TADA2A: variants seen among roughly 807,000 people sequenced by gnomAD.
TADA2A encodes transcriptional adaptor 2A.
A neutral mutation model predicts 67.4 loss-of-function variants in TADA2A; 38 were observed. That is an observed-to-expected ratio of 0.56 (90% CI 0.44 to 0.74). TADA2A has a LOEUF of 0.74. Ranked by LOEUF, TADA2A falls within the 30% of genes least tolerant of loss-of-function variation. The pLI, the probability that TADA2A is intolerant of heterozygous loss-of-function variation, is 0.00. For missense variants in TADA2A, 454 were observed against 547.0 expected (o/e 0.83, Z 1.70); for synonymous variants, 192 against 181.6 (o/e 1.06, Z -0.46).
chr17:37,410,587 T>C (rs1191810555), intron 1 of TADA2A, among the ~76,000 whole-genome samples: 3 of 152,182 alleles, frequency 2.0e-5, no homozygotes, highest in African/African-American at 7.2e-5. Flanking sequence ...GTTGAGTTTA[T>C]TAAAGTTTAT....
intron 9 of TADA2A, among the ~76,000 whole-genome samples, chr17:37,459,532 C>T (rs113102537): frequency 2.0e-5 from 3 of 151,588 alleles, no homozygotes; most frequent in African/African-American, 4.8e-5. Flanking sequence ...ATCCATCCCC[C>T]TCTGCCTCCC....
rs1405764961 is a variant in TADA2A, at chr17:37,423,547, T to A, written c.64T>A (p.Ser22Thr). ...SDKPPCRGCSSYLMEPYIKCA... is the reference protein window; with the variant it reads ...SDKPPCRGCSTYLMEPYIKCA... ...TAAGCCACCTTGCCGAGGCTGCTCC[T>A]CCTACCTCATGGAGCCTTATATCAA... is the stretch of plus-strand genomic sequence containing the variant. Residue 22 changes from serine (S) to threonine (T), a missense_variant, in exon 3 of 16, where the codon TCC becomes ACC. Coordinates refer to ENST00000615182, the MANE Select transcript of TADA2A (RefSeq NM_001166105.3). 1 of 1,613,058 alleles carries A rather than the reference T, an allele frequency of 6.2e-7. No individual in the cohort carries two copies. Among genetic ancestry groups the A allele is most frequent in the Non-Finnish European group, 8.5e-7 (1 of 1,179,880 alleles).
Position 37,458,637 on chromosome 17 carries a change from T to TTGTG in TADA2A, c.668+84_668+87dup, listed in dbSNP as rs55935249. 4,632 of 980,390 alleles carry TTGTG rather than the reference T, an allele frequency of 4.7e-3. 11 individuals carry two copies. The highest frequency in any genetic ancestry group is 5.6e-3 in the Admixed American group (269 of 47,670). The allele number at this position is 980,390 out of a possible 1,614,324, so 60.7% of individuals were successfully genotyped here. A position where few individuals can be genotyped will look rare whatever the true frequency, so the allele number is the denominator to read the frequency against. The stretch of plus-strand genomic sequence containing the variant: ...CTCCTTTCAGCTTTGGATTATTGTT[T>TTGTG]TGTGTGTGTGTGTGTGTGTGTGTGT... On this transcript the variant is annotated intron_variant, in intron 9 of 15. Transcript: ENST00000615182.
chr17:37,440,365 T>TG, intron 5 of TADA2A, 140 bp from the exon 6 acceptor site: 1 of 969,336 alleles, frequency 1.0e-6, no homozygotes, highest in South Asian at 1.8e-5. Context: ...ATTTTTCTGC[T>TG]GATATCTTTT....
chr17:37,472,787 G>A (rs1314896484), intron 14 of TADA2A, among the ~76,000 whole-genome samples: 2 of 152,048 alleles, frequency 1.3e-5, no homozygotes, highest in Non-Finnish European at 1.5e-5. Context: ...GCTTGAATCC[G>A]GGAGGCAGAG....
intron 6 of TADA2A, 105 bp downstream of exon 6, chr17:37,440,767 C>T (rs541460281): frequency 2.8e-5 from 38 of 1,374,932 alleles, no homozygotes; most frequent in Non-Finnish European, 3.3e-5. Context: ...AATGATATCA[C>T]GGAAGATAGG....
At chr17:37,455,555 A>G (rs542808849) in intron 8 of TADA2A, among the ~76,000 whole-genome samples, 2 of 151,614 alleles carry the variant, frequency 1.3e-5, no homozygotes, top group South Asian at 2.1e-4. Flanking sequence ...CTAATTTTTT[A>G]TATTTTTAGT....
chr17:37,463,723 C>T (rs1052492323), intron 10 of TADA2A, among the ~76,000 whole-genome samples: 11 of 151,764 alleles, frequency 7.2e-5, no homozygotes, highest in African/African-American at 2.4e-4. Flanking sequence ...CAGCTCACTG[C>T]AGTCTCCGCC....
intron 6 of TADA2A, 138 bp from the exon 7 acceptor site, chr17:37,442,426 G>A: frequency 3.2e-6 from 2 of 620,258 alleles, no homozygotes; most frequent in Non-Finnish European, 2.5e-6. Flanking sequence ...TAAAAAACCT[G>A]TTTTCATAAT....
chr17:37,471,393 T>A (rs1408500836), intron 14 of TADA2A, among the ~76,000 whole-genome samples: 1 of 152,230 alleles, frequency 6.6e-6, no homozygotes. Flanking sequence ...AGAGGTAACT[T>A]CTTTATTTTA....
chr17:37,410,557 C>T (rs1047070024), intron 1 of TADA2A, among the ~76,000 whole-genome samples: 3 of 151,922 alleles, frequency 2.0e-5, no homozygotes, highest in African/African-American at 4.8e-5. Context: ...TACAGAAACT[C>T]GTTCAGTCTT....
At chr17:37,423,475 T>G in intron 2 of TADA2A, 34 bp from the exon 3 acceptor site, 1 of 1,519,430 alleles carries the variant, frequency 6.6e-7, no homozygotes, top group Non-Finnish European at 9.0e-7. Context: ...CGTAAGGTGG[T>G]CTGAAATGTG....
At chr17:37,430,726 G>A (rs917807275) in intron 4 of TADA2A, among the ~76,000 whole-genome samples, 2 of 152,166 alleles carry the variant, frequency 1.3e-5, no homozygotes, top group African/African-American at 4.8e-5. Flanking sequence ...TCAACTTTTT[G>A]TAAAACTGCC....
At chr17:37,431,503 A>G (rs1490966325) in intron 4 of TADA2A, among the ~76,000 whole-genome samples, 1 of 152,162 alleles carries the variant, frequency 6.6e-6, no homozygotes, top group Non-Finnish European at 1.5e-5. Context: ...CCGTTTACCC[A>G]TCACTAACTC....
intron 4 of TADA2A, among the ~76,000 whole-genome samples, chr17:37,428,981 G>A (rs1382178176): frequency 6.7e-6 from 1 of 149,680 alleles, no homozygotes; most frequent in Non-Finnish European, 1.5e-5. Flanking sequence ...GGGAGGCAGA[G>A]CTTGTATTGA....
intron 7 of TADA2A, among the ~76,000 whole-genome samples, chr17:37,443,718 G>A (rs1341100564): frequency 2.6e-5 from 4 of 152,166 alleles, no homozygotes; most frequent in Non-Finnish European, 4.4e-5. Flanking sequence ...AAAGCAGCAT[G>A]GGATAATATA....
At chr17:37,420,430 T>A (rs2052196722) in intron 2 of TADA2A, among the ~76,000 whole-genome samples, 1 of 142,244 alleles carries the variant, frequency 7.0e-6, no homozygotes, top group African/African-American at 2.5e-5. Context: ...TTCGCTCTTG[T>A]CACCCAGGCT....
chr17:37,431,348 G>A (rs2052561111), intron 4 of TADA2A, among the ~76,000 whole-genome samples: 2 of 151,510 alleles, frequency 1.3e-5, no homozygotes, highest in Non-Finnish European at 1.5e-5. Flanking sequence ...GTCCCAAGAG[G>A]GTTATGAATT....
intron 4 of TADA2A, among the ~76,000 whole-genome samples, chr17:37,427,689 A>G (rs987342490): frequency 6.7e-6 from 1 of 149,814 alleles, no homozygotes; most frequent in Admixed American, 6.7e-5. Context: ...TTGTCAAGAT[A>G]GTTTTGTTGG....
Sources: allele counts gnomAD v4.1 joint callset (sites outside exome capture counted in the v4.1 genomes callset), GRCh38; gene constraint gnomAD v4.1.1; transcripts MANE v1.5; gene names NCBI Gene and HGNC (gene_info 2026-07-23, HGNC 2026-07-21).